The following KIAA1958 variants were observed in gnomAD, a reference collection of about 807,000 sequenced individuals.
The protein encoded by KIAA1958 is uncharacterized protein KIAA1958.
KIAA1958 carries 14 observed loss-of-function variants against 47.2 expected under a neutral mutation model. The observed-to-expected ratio is 0.30, with a 90% CI of 0.20 to 0.46. KIAA1958 has a LOEUF of 0.46. Ranked by LOEUF, KIAA1958 falls within the 20% of genes least tolerant of loss-of-function variation. The probability of loss-of-function intolerance (pLI) is 1.00; values close to 1 mark genes in which losing one functional copy is unlikely to be tolerated. For missense variants in KIAA1958, 803 were observed against 909.2 expected, an observed-to-expected ratio of 0.88 and a Z score of 1.50; for synonymous variants, 354 against 353.3, an observed-to-expected ratio of 1.00 and a Z score of -0.02.
At chr9:112,547,998 C>CTTTTTT (rs372918486) in intron 1 of KIAA1958, among the ~76,000 whole-genome samples, 1 of 94,584 alleles carries the variant, frequency 1.1e-5, no homozygotes, top group East Asian at 2.9e-4. Context: ...GTCAGAAAAT[C>CTTTTTT]TTTTTTTTTT....
In KIAA1958 at chr9:112,611,591, T is replaced by C. The variant is rs192196442; in HGVS notation, c.1172-34059T>C. ...AGCTGTTTGGGAGATGCAGAAGATA[T>C]GAAAAATGAACAATATGGCAATAAT... On this transcript the variant is annotated intron_variant, in intron 2 of 3. Coordinates refer to ENST00000337530, the MANE Select transcript of KIAA1958 (RefSeq NM_133465.4). Among the ~76,000 whole-genome samples, 755 of 152,020 alleles carry C rather than the reference T, an allele frequency of 5.0e-3. 9 individuals are homozygous for C. Among genetic ancestry groups the C allele is most frequent in the African/African-American group, 0.017 (716 of 41,500 alleles).
intron 2 of KIAA1958, among the ~76,000 whole-genome samples, chr9:112,643,220 G>A (rs569618056): frequency 1.3e-5 from 2 of 152,264 alleles, no homozygotes; most frequent in East Asian, 3.9e-4. Context: ...CTCAAGCATG[G>A]AGTCAGAGAC....
At position 112,574,448 on chromosome 9, in the gene KIAA1958, C is replaced by A; in HGVS notation, c.368C>A (p.Ser123Tyr). 1 of 1,614,082 alleles carries A rather than the reference C, an allele frequency of 6.2e-7. No individual in the cohort carries two copies. Among genetic ancestry groups the A allele is most frequent in the South Asian group, 1.1e-5 (1 of 91,062 alleles). ...CGGACCAGAGACTCTTGTGACTTCT[C>A]CTACTGTAGTGAGCCCTCTGAACTG... ...CNRTRDSCDF[S>Y]YCSEPSELDE... is the part of the protein sequence containing the mutation. The change falls in exon 2 of 4, where the codon TCC becomes TAC. Residue 123 changes from serine (S) to tyrosine (Y), a missense_variant. Ser to Tyr is a moderately radical substitution (Grantham distance 144, BLOSUM62 -2). Coordinates refer to ENST00000337530, the MANE Select transcript of KIAA1958 (RefSeq NM_133465.4).
intron 1 of KIAA1958, among the ~76,000 whole-genome samples, chr9:112,488,015 G>T (rs1347807275): frequency 1.3e-5 from 2 of 150,436 alleles, no homozygotes; most frequent in South Asian, 4.2e-4. Flanking sequence ...TCCCGAACTC[G>T]TTAGGATTCG....
At chr9:112,657,983 A>G (rs1837183067) in intron 3 of KIAA1958, among the ~76,000 whole-genome samples, 1 of 151,948 alleles carries the variant, frequency 6.6e-6, no homozygotes, top group Admixed American at 6.6e-5. Flanking sequence ...CAGTCTCCCA[A>G]GTAGCTGGGA....
chr9:112,616,003 A>G (rs892926243), intron 2 of KIAA1958, among the ~76,000 whole-genome samples: 5 of 152,228 alleles, frequency 3.3e-5, no homozygotes, highest in African/African-American at 2.4e-5. Flanking sequence ...AAGTTAGAAG[A>G]CTGCTGTGAT....
chr9:112,561,442 T>G (rs1835327674), intron 1 of KIAA1958, among the ~76,000 whole-genome samples: 1 of 152,202 alleles, frequency 6.6e-6, no homozygotes, highest in South Asian at 2.1e-4. Flanking sequence ...CACCATGAGT[T>G]CCATGTGAGC....
intron 1 of KIAA1958, among the ~76,000 whole-genome samples, chr9:112,532,819 C>T (rs1834773328): frequency 6.6e-6 from 1 of 152,206 alleles, no homozygotes; most frequent in Non-Finnish European, 1.5e-5. Context: ...TATTCAAGAA[C>T]TGTACTCAAT....
At chr9:112,580,486 T>A (rs1835717751) in intron 2 of KIAA1958, among the ~76,000 whole-genome samples, 1 of 152,100 alleles carries the variant, frequency 6.6e-6, no homozygotes, top group African/African-American at 2.4e-5. Context: ...TGCCTCTTCT[T>A]ACAAGAAGAA....
chr9:112,560,557 G>A lies in KIAA1958; in HGVS notation c.-24-13500G>A, dbSNP rs548335986. On this transcript the variant is annotated intron_variant, in intron 1 of 3. Coordinates refer to ENST00000337530, the MANE Select transcript of KIAA1958 (RefSeq NM_133465.4). Reference sequence around the variant, plus strand: ...ATCAAGGTGTTTGTTTTCCACGACCGTAGAAATTATATTACAAATTATTTT... The same window carrying A: ...ATCAAGGTGTTTGTTTTCCACGACCATAGAAATTATATTACAAATTATTTT... Among the ~76,000 whole-genome samples the A allele has an allele frequency of 1.4e-4, 22 of 152,104 alleles. No homozygotes were observed. The South Asian group carries it at 1.7e-3, about 11-fold the overall frequency.
intron 1 of KIAA1958, among the ~76,000 whole-genome samples, chr9:112,488,202 T>G (rs1010485583): frequency 6.6e-6 from 1 of 152,224 alleles, no homozygotes; most frequent in African/African-American, 2.4e-5. Context: ...CATGAGACCA[T>G]GAATGTCAGA....
At chr9:112,563,409 T>A (rs1034943805) in intron 1 of KIAA1958, among the ~76,000 whole-genome samples, 2 of 152,310 alleles carry the variant, frequency 1.3e-5, no homozygotes, top group South Asian at 2.1e-4. Flanking sequence ...TCTGTTAGCA[T>A]TGTTTTGTTG....
intron 1 of KIAA1958, among the ~76,000 whole-genome samples, chr9:112,511,064 G>C (rs1255967826): frequency 2.0e-5 from 3 of 152,250 alleles, no homozygotes; most frequent in Admixed American, 2.0e-4. Context: ...CTGAGAGCAT[G>C]TGGAAATTAT....
At chr9:112,609,619 A>G (rs1163658843) in intron 2 of KIAA1958, among the ~76,000 whole-genome samples, 1 of 152,140 alleles carries the variant, frequency 6.6e-6, no homozygotes, top group Non-Finnish European at 1.5e-5. Context: ...TGGCATGATC[A>G]TGACTCACTG....
chr9:112,610,418 C>T (rs190501927), intron 2 of KIAA1958, among the ~76,000 whole-genome samples: 4 of 151,566 alleles, frequency 2.6e-5, no homozygotes, highest in South Asian at 2.1e-4. Flanking sequence ...TTTCAAAACA[C>T]GAATAAAGTA....
At position 112,536,191 on chromosome 9, in the gene KIAA1958, C is replaced by T. The variant is rs779351637; in HGVS notation, c.-24-37866C>T. On this transcript the variant is annotated intron_variant, in intron 1 of 3. Transcript: ENST00000337530. ...TAGAGACCAAGCCACAGAGTGAAGA[C>T]CAGGAAATTGTGGATCTTTGGATAA... Among the ~76,000 whole-genome samples, 88 of 152,246 alleles carry T rather than the reference C, an allele frequency of 5.8e-4. 1 individual carries two copies. Among genetic ancestry groups the T allele is most frequent in the Admixed American group, 1.3e-3 (20 of 15,288 alleles).
chr9:112,513,248 A>G (rs1340748894), intron 1 of KIAA1958, among the ~76,000 whole-genome samples: 9 of 123,212 alleles, frequency 7.3e-5, no homozygotes, highest in South Asian at 5.9e-4. Flanking sequence ...CAGGTGATCC[A>G]CCCACCTCAG....
Position 112,653,346 on chromosome 9 carries a change from A to T in KIAA1958, c.1345-5917A>T, listed in dbSNP as rs10981467. Among the ~76,000 whole-genome samples, 9 of 152,304 alleles carry T rather than the reference A, an allele frequency of 5.9e-5. No homozygotes were observed. In the East Asian group the frequency reaches 1.7e-3, roughly 29 times the overall value. On this transcript the variant is annotated intron_variant, in intron 3 of 3. Coordinates refer to ENST00000337530, the MANE Select transcript of KIAA1958 (RefSeq NM_133465.4). ...GTCAGGTTACAGAAATAGGGTGTGT[A>T]CTGGTCATCTACGGCTCCATAACAA...
chr9:112,547,018 C>T (rs1835048107), intron 1 of KIAA1958, among the ~76,000 whole-genome samples: 1 of 22,848 alleles, frequency 4.4e-5, no homozygotes. Context: ...CTGCAACCTA[C>T]GCCTCCTGGG....
Sources: gnomAD v4.1 joint callset for allele counts (sites outside exome capture counted in the v4.1 genomes callset) on GRCh38, gnomAD v4.1.1 for gene constraint, MANE v1.5 for transcripts, NCBI Gene and HGNC (gene_info 2026-07-23, HGNC 2026-07-21) for gene names.